The following EXT2 variants were observed in gnomAD, a reference collection of about 807,000 sequenced individuals.
EXT2 encodes exostosin-2.
A neutral mutation model predicts 81.6 loss-of-function variants in EXT2; 53 were observed. The ratio of observed to expected loss-of-function variants is 0.65; its 90% CI spans 0.52 to 0.82. EXT2 has a LOEUF of 0.82. Ranked by LOEUF, EXT2 falls within the 40% of genes least tolerant of loss-of-function variation. EXT2 has a pLI of 0.00. For missense variants in EXT2, 774 were observed against 910.2 expected (o/e 0.85, Z 1.93); for synonymous variants, 320 against 340.0 (o/e 0.94, Z 0.65).
chr11:44,165,114 G>A (rs1388002347), intron 7 of EXT2, among the ~76,000 whole-genome samples: 1 of 152,072 alleles, frequency 6.6e-6, no homozygotes, highest in African/African-American at 2.4e-5. Flanking sequence ...TCCTGACCTC[G>A]TGATCCGCCC....
At chr11:44,224,193 T>G (rs771600366) in intron 10 of EXT2, among the ~76,000 whole-genome samples, 54 of 152,340 alleles carry the variant, frequency 3.5e-4, no homozygotes, top group Admixed American at 2.3e-3. Flanking sequence ...TTAGTATCTG[T>G]GAGTCAGATG....
chr11:44,112,057 T>C (rs937872873), intron 3 of EXT2, among the ~76,000 whole-genome samples: 19 of 152,236 alleles, frequency 1.2e-4, no homozygotes, highest in Non-Finnish European at 1.5e-5. Context: ...GGTTTTGTTT[T>C]GTGCAAAACC....
At position 44,119,124 on chromosome 11, in the gene EXT2, TTATATATATATATATATATATATA is replaced by T. The variant is rs200249806; in HGVS notation, c.743+4846_743+4869del. 1.2e-3 allele frequency among the ~76,000 whole-genome samples: 30 copies of T among 25,654 alleles called. 3 individuals are homozygous for T. Among genetic ancestry groups the T allele is most frequent in the East Asian group, 4.1e-3 (2 of 488 alleles). 16.8% of individuals were successfully genotyped at this position (25,654 alleles called of 152,430 possible). A position where few individuals can be genotyped will look rare whatever the true frequency, so the allele number is the denominator to read the frequency against. On this transcript the variant is annotated intron_variant, in intron 4 of 13. Transcript: ENST00000533608. Reference sequence around the variant, plus strand: ...TGTCCCCCAGGGGACATTTGGCTATTTATATATATATATATATATATATATATATATATATATATATATATACAC... The same window carrying T: ...TGTCCCCCAGGGGACATTTGGCTATTTATATATATATATATATATATACAC...
intron 1 of EXT2, among the ~76,000 whole-genome samples, chr11:44,099,177 T>C (rs112762070): frequency 1.3e-5 from 2 of 150,498 alleles, no homozygotes; most frequent in African/African-American, 4.9e-5. Flanking sequence ...AATTTTTGGG[T>C]TTTTTTTTGT....
chr11:44,114,891 G>A (rs1954199543), intron 4 of EXT2, among the ~76,000 whole-genome samples: 1 of 152,166 alleles, frequency 6.6e-6, no homozygotes, highest in South Asian at 2.1e-4. Context: ...TCAGTTCCTA[G>A]AACAAGCTGT....
intron 8 of EXT2, among the ~76,000 whole-genome samples, chr11:44,187,871 T>C (rs1463102942): frequency 6.6e-6 from 1 of 152,202 alleles, no homozygotes; most frequent in Non-Finnish European, 1.5e-5. Context: ...AAAAGTATGT[T>C]GATTCATCTA....
chr11:44,134,947 A>G (rs1954544402), intron 7 of EXT2, among the ~76,000 whole-genome samples: 1 of 152,210 alleles, frequency 6.6e-6, no homozygotes, highest in Admixed American at 6.5e-5. Flanking sequence ...ACATTAAAAT[A>G]CCAGTTTCTT....
chr11:44,224,794 CAG>C (rs1354880674), intron 10 of EXT2, among the ~76,000 whole-genome samples: 2 of 152,130 alleles, frequency 1.3e-5, no homozygotes, highest in Admixed American at 6.6e-5. Flanking sequence ...TTGAAGTAAG[CAG>C]AGTTTATTTT....
intron 7 of EXT2, among the ~76,000 whole-genome samples, chr11:44,162,575 C>CAA (rs746211630): frequency 4.2e-4 from 19 of 45,736 alleles, no homozygotes; most frequent in East Asian, 6.8e-4. Flanking sequence ...GACTCCATCT[C>CAA]AAAAAAAAAA....
In EXT2 at chr11:44,124,645, A is replaced by G. The variant is rs1047015559; in HGVS notation, c.744-144A>G. On this transcript the variant is annotated intron_variant, in intron 4 of 13. Coordinates refer to ENST00000533608, the MANE Select transcript of EXT2 (RefSeq NM_207122.2). The stretch of plus-strand genomic sequence containing the variant: ...TATAATATTTTAAATATTTACTAAT[A>G]CTACAGAAGATAATTTTAAAAATCA... The G allele has an allele frequency of 4.3e-5, 30 of 690,432 alleles. No individual in the cohort carries two copies. The African/African-American group carries it at 5.2e-4, about 12-fold the overall frequency. 42.8% of individuals were successfully genotyped at this position (690,432 alleles called of 1,614,324 possible). A position where few individuals can be genotyped will look rare whatever the true frequency, so the allele number is the denominator to read the frequency against.
At chr11:44,240,048 A>G (rs942755238) in intron 13 of EXT2, among the ~76,000 whole-genome samples, 8 of 152,196 alleles carry the variant, frequency 5.3e-5, no homozygotes, top group Admixed American at 6.5e-5. Context: ...GGCATTGTTT[A>G]GGGAAAAATG....
chr11:44,130,947 G>A (rs1167113854), intron 7 of EXT2, among the ~76,000 whole-genome samples: 1 of 152,220 alleles, frequency 6.6e-6, no homozygotes, highest in Non-Finnish European at 1.5e-5. Flanking sequence ...CCTGCATTTG[G>A]CCATGTCCCA....
intron 7 of EXT2, among the ~76,000 whole-genome samples, chr11:44,136,629 G>A (rs1192253924): frequency 2.0e-5 from 3 of 152,180 alleles, no homozygotes; most frequent in Non-Finnish European, 4.4e-5. Flanking sequence ...GTGTTATAAT[G>A]TCTACCATTC....
At chr11:44,217,257 T>C (rs1270769524) in intron 10 of EXT2, among the ~76,000 whole-genome samples, 2 of 152,106 alleles carry the variant, frequency 1.3e-5, no homozygotes, top group Non-Finnish European at 2.9e-5. Context: ...AGCAAGTTCT[T>C]GGGAATGAAA....
At chr11:44,113,198 G>T (rs1000146507) in intron 3 of EXT2, among the ~76,000 whole-genome samples, 2 of 152,160 alleles carry the variant, frequency 1.3e-5, no homozygotes, top group Non-Finnish European at 2.9e-5. Context: ...TCCAGGGGTG[G>T]TTTGAAAATC....
chr11:44,142,627 T>A lies in EXT2; in HGVS notation c.1173+12489T>A, dbSNP rs79248087. Among the ~76,000 whole-genome samples the A allele has an allele frequency of 3.8e-3, 582 of 152,350 alleles. 4 individuals are homozygous for A. Among genetic ancestry groups the A allele is most frequent in the African/African-American group, 0.013 (560 of 41,582 alleles). On this transcript the variant is annotated intron_variant, in intron 7 of 13. Transcript: ENST00000533608. ...GGTTAATTTGATCAGGATTTAATGA[T>A]CTTATACATGTATTATTTATATTTT...
Position 44,234,172 on chromosome 11 carries a change from G to A in EXT2, c.1864G>A (p.Ala622Thr), listed in dbSNP as rs1365569842. ...TGGGGATATCAAGAACTGGGTAGAT[G>A]CTCATATGAACTGTGAAGATATTGC... ...MPGDIKNWVD[A>T]HMNCEDIAMN... Residue 622 changes from alanine (A) to threonine (T), a missense_variant, in exon 12 of 14, where the codon GCT (alanine) becomes ACT (threonine). Around this residue, in one of 2 missense-constraint regions of EXT2, gnomAD observed 148 missense variants for 239.7 expected, o/e 0.62. Coordinates refer to ENST00000533608, the MANE Select transcript of EXT2 (RefSeq NM_207122.2). 1 of 1,614,138 alleles carries A rather than the reference G, an allele frequency of 6.2e-7. No homozygotes were observed. Among genetic ancestry groups the A allele is most frequent in the Non-Finnish European group, 8.5e-7 (1 of 1,180,018 alleles).
At chr11:44,237,598 C>T (rs1955980857) in intron 13 of EXT2, among the ~76,000 whole-genome samples, 1 of 151,990 alleles carries the variant, frequency 6.6e-6, no homozygotes, top group Non-Finnish European at 1.5e-5. Flanking sequence ...AAATTCATAA[C>T]AGTAAGCTAA....
intron 13 of EXT2, among the ~76,000 whole-genome samples, chr11:44,237,740 C>G (rs1283161983): frequency 2.0e-5 from 3 of 151,982 alleles, no homozygotes; most frequent in African/African-American, 7.3e-5. Flanking sequence ...TCTAGCACTA[C>G]TGAGATCTTA....
Sources: gnomAD v4.1 joint callset for allele counts (sites outside exome capture counted in the v4.1 genomes callset) on GRCh38, gnomAD v4.1.1 for gene constraint, gnomAD v4.1.1 regional missense constraint, MANE v1.5 for transcripts, NCBI Gene and HGNC (gene_info 2026-07-23, HGNC 2026-07-21) for gene names.